The following NIBAN1 variants were observed in gnomAD, a reference collection of about 807,000 sequenced individuals.
The protein encoded by NIBAN1 is niban apoptosis regulator 1, also known as protein Niban 1.
NIBAN1 carries 81 observed loss-of-function variants against 75.1 expected under a neutral mutation model. The ratio of observed to expected loss-of-function variants is 1.08; its 90% CI spans 0.90 to 1.30. The LOEUF (loss-of-function observed/expected upper bound fraction) is 1.30. Ranked by LOEUF, NIBAN1 falls within the 50% of genes most tolerant of loss-of-function variation. The pLI is 0.00. For missense variants in NIBAN1, 1,133 were observed against 1,128.1 expected, an observed-to-expected ratio of 1.00 and a Z score of -0.06; for synonymous variants, 436 against 424.8, an observed-to-expected ratio of 1.03 and a Z score of -0.32.
intron 8 of NIBAN1, among the ~76,000 whole-genome samples, chr1:184,820,651 T>C (rs1364731559): frequency 6.6e-6 from 1 of 152,230 alleles, no homozygotes; most frequent in African/African-American, 2.4e-5. Flanking sequence ...TTTGATACAT[T>C]AATTCATAAG....
At chr1:184,803,360 A>G (rs1372649599) in intron 12 of NIBAN1, among the ~76,000 whole-genome samples, 1 of 152,242 alleles carries the variant, frequency 6.6e-6, no homozygotes, top group Admixed American at 6.5e-5. Flanking sequence ...GTCTGTTTAT[A>G]TATAGTCAAT....
At chr1:184,863,120 A>G (rs1298525823) in intron 5 of NIBAN1, among the ~76,000 whole-genome samples, 1 of 152,090 alleles carries the variant, frequency 6.6e-6, no homozygotes, top group Admixed American at 6.6e-5. Context: ...CTCCCTCCTC[A>G]TCACCACACG....
intron 3 of NIBAN1, among the ~76,000 whole-genome samples, chr1:184,892,180 C>G (rs969042235): frequency 6.6e-6 from 1 of 152,218 alleles, no homozygotes; most frequent in African/African-American, 2.4e-5. Context: ...ATACCAGCAA[C>G]TGCTCCACAC....
intron 5 of NIBAN1, among the ~76,000 whole-genome samples, chr1:184,855,623 C>G (rs1655657698): frequency 6.6e-6 from 1 of 152,174 alleles, no homozygotes. Context: ...TTAGTCCACT[C>G]TACTATTTTT....
chr1:184,890,847 A>G (rs113345213), intron 3 of NIBAN1, among the ~76,000 whole-genome samples: 67 of 152,340 alleles, frequency 4.4e-4, no homozygotes, highest in African/African-American at 1.5e-3. Flanking sequence ...TATTTGAGAC[A>G]CAGAAAAGAG....
At chr1:184,890,435 A>T (rs572095774) in intron 3 of NIBAN1, among the ~76,000 whole-genome samples, 7 of 152,238 alleles carry the variant, frequency 4.6e-5, no homozygotes, top group Non-Finnish European at 7.3e-5. Context: ...CAGTCACAAC[A>T]TGGTAAATCA....
intron 1 of NIBAN1, among the ~76,000 whole-genome samples, chr1:184,908,156 G>A (rs959602597): frequency 2.0e-5 from 3 of 152,188 alleles, no homozygotes; most frequent in Non-Finnish European, 4.4e-5. Context: ...AGCGAAGTGT[G>A]AGAGACCCTA....
At position 184,798,137 on chromosome 1, in the gene NIBAN1, G is replaced by A. The variant is rs776169177; in HGVS notation, c.1608C>T (p.His536=). The A allele has an allele frequency of 1.3e-5, 21 of 1,611,380 alleles. No homozygotes were observed. The highest frequency in any genetic ancestry group is 4.4e-5 in the South Asian group (4 of 90,910). ...FIFADHTNMI[H]VENVYEEILH... ...AAATCTCCTCATAGACATTTTCAACGTGAATCATATTGGTATGATCTGCAA... is the reference window on the plus strand; with the variant it reads ...AAATCTCCTCATAGACATTTTCAACATGAATCATATTGGTATGATCTGCAA... The change falls in exon 13 of 14, where the codon CAC becomes CAT. Residue 536 remains histidine, a synonymous_variant. Transcript: ENST00000367511.
At chr1:184,936,805 C>T (rs1217803846) in intron 1 of NIBAN1, among the ~76,000 whole-genome samples, 1 of 152,122 alleles carries the variant, frequency 6.6e-6, no homozygotes, top group Non-Finnish European at 1.5e-5. Flanking sequence ...TTAATCACAT[C>T]CTCAAAGACA....
chr1:184,970,898 G>A (rs924784222), intron 1 of NIBAN1, among the ~76,000 whole-genome samples: 5 of 152,014 alleles, frequency 3.3e-5, no homozygotes, highest in Admixed American at 3.3e-4. Context: ...TAAAATTATT[G>A]CATAAACAGG....
At chr1:184,894,353 C>G (rs112351383) in intron 2 of NIBAN1, 147 bp from the exon 3 acceptor site, 1 of 784,958 alleles carries the variant, frequency 1.3e-6, no homozygotes, top group South Asian at 2.1e-5. Context: ...CCTCTCCCCC[C>G]ACAATTTCCC....
At chr1:184,797,950 G>C (rs974886978) in intron 13 of NIBAN1, 129 bp downstream of exon 13, 2 of 494,846 alleles carry the variant, frequency 4.0e-6, no homozygotes, top group Non-Finnish European at 7.2e-6. Flanking sequence ...TCTCCTCACT[G>C]TCTGTCTCCC....
At chr1:184,876,056 C>G (rs527240176) in intron 5 of NIBAN1, among the ~76,000 whole-genome samples, 1 of 151,836 alleles carries the variant, frequency 6.6e-6, no homozygotes, top group East Asian at 1.9e-4. Context: ...GCCTGTAATC[C>G]CAGCTACTCA....
At chr1:184,823,005 G>T (rs1450106350) in intron 8 of NIBAN1, among the ~76,000 whole-genome samples, 162 bp downstream of exon 8, 1 of 152,180 alleles carries the variant, frequency 6.6e-6, no homozygotes, top group Non-Finnish European at 1.5e-5. Context: ...GAAGGCCCAG[G>T]CCCCTAATGG....
intron 8 of NIBAN1, among the ~76,000 whole-genome samples, chr1:184,820,028 A>G (rs1489461200): frequency 1.3e-5 from 2 of 152,234 alleles, no homozygotes; most frequent in Non-Finnish European, 2.9e-5. Flanking sequence ...AATCACTCAG[A>G]AATATTTGGG....
chr1:184,818,509 G>A lies in NIBAN1; in HGVS notation c.1173+129C>T, dbSNP rs181758165. On this transcript the variant is annotated intron_variant, in intron 9 of 13. Coordinates refer to ENST00000367511, the MANE Select transcript of NIBAN1 (RefSeq NM_052966.4). ...TGAACGGAAGAAAGGCTGGATGAAT[G>A]GAGGGAAGGGCAGAAGAATGGAAGG... 57 of 890,440 alleles carry A rather than the reference G, an allele frequency of 6.4e-5. 1 individual carries two copies. In the African/African-American group the frequency reaches 7.5e-4, roughly 12 times the overall value. The allele number at this position is 890,440 out of a possible 1,614,324, so 55.2% of individuals were successfully genotyped here.
intron 6 of NIBAN1, among the ~76,000 whole-genome samples, chr1:184,828,837 T>C (rs1450543334): frequency 6.6e-6 from 1 of 151,716 alleles, no homozygotes; most frequent in East Asian, 1.9e-4. Flanking sequence ...ACAGGGTCTC[T>C]CTGTTGCCCA....
chr1:184,855,393 A>G lies in NIBAN1; in HGVS notation c.602-23431T>C, dbSNP rs1655649947. 2.6e-5 allele frequency among the ~76,000 whole-genome samples: 4 copies of G among 152,260 alleles called. No homozygotes were observed. In the South Asian group the frequency reaches 8.3e-4, roughly 32 times the overall value. On this transcript the variant is annotated intron_variant, in intron 5 of 13. Transcript: ENST00000367511. Reference sequence around the variant, plus strand: ...CGTGTCTTCCCAGAGCTTTTCTTTCAAGCTGAATGATACAATTATTGCTAG... The same window carrying G: ...CGTGTCTTCCCAGAGCTTTTCTTTCGAGCTGAATGATACAATTATTGCTAG...
intron 7 of NIBAN1, 21 bp downstream of exon 7, chr1:184,823,617 T>C (rs759677499): frequency 2.5e-6 from 4 of 1,610,166 alleles, no homozygotes; most frequent in Non-Finnish European, 3.4e-6. Context: ...AGCTCAGTTG[T>C]AGAGCAAAAC....
Sources: gnomAD v4.1 joint callset for allele counts (sites outside exome capture counted in the v4.1 genomes callset) on GRCh38, gnomAD v4.1.1 for gene constraint, MANE v1.5 for transcripts, NCBI Gene and HGNC (gene_info 2026-07-23, HGNC 2026-07-21) for gene names.